The following MPDZ variants were observed in gnomAD, a reference collection of about 807,000 sequenced individuals.
MPDZ encodes multiple PDZ domain protein.
A neutral mutation model predicts 239.1 loss-of-function variants in MPDZ; 234 were observed. The observed-to-expected ratio is 0.98, with a 90% CI of 0.88 to 1.09. The LOEUF is 1.09. Among genes scored for constraint, MPDZ ranks in the 50% least tolerant of loss-of-function variants. The probability of loss-of-function intolerance (pLI) is 0.00; values close to 1 mark genes in which losing one functional copy is unlikely to be tolerated. For synonymous variants in MPDZ, 1,048 were observed against 881.3 expected (o/e 1.19, Z -3.35); for missense variants, 3,175 against 2,510.0 (o/e 1.26, Z -5.66).
chr9:13,197,323 G>C (rs540967109), intron 12 of MPDZ, among the ~76,000 whole-genome samples: 39 of 152,144 alleles, frequency 2.6e-4, no homozygotes, highest in African/African-American at 8.9e-4. Context: ...TTTTAAATTA[G>C]ATGGGGGGTC....
chr9:13,143,644 G>T (rs1563895619), intron 26 of MPDZ, 80 bp from the exon 27 acceptor site: 4 of 1,084,252 alleles, frequency 3.7e-6, no homozygotes, highest in Non-Finnish European at 1.4e-6. Flanking sequence ...AGTACATACC[G>T]ATTTAAAGAA....
intron 16 of MPDZ, among the ~76,000 whole-genome samples, chr9:13,189,605 TC>T (rs1954622624): frequency 6.6e-6 from 1 of 152,172 alleles, no homozygotes; most frequent in Non-Finnish European, 1.5e-5. Flanking sequence ...CTGCACTCTA[TC>T]AGACAGGCTT....
At chr9:13,183,287 A>G (rs1400310814) in intron 19 of MPDZ, 131 bp downstream of exon 19, 1 of 684,690 alleles carries the variant, frequency 1.5e-6, no homozygotes, top group African/African-American at 1.9e-5. Flanking sequence ...CTTTAATCCA[A>G]TAATGAATCC....
At chr9:13,179,307 A>G (rs901162309) in intron 19 of MPDZ, among the ~76,000 whole-genome samples, 1 of 152,280 alleles carries the variant, frequency 6.6e-6, no homozygotes, top group South Asian at 2.1e-4. Context: ...TAGCTTCCAT[A>G]TTGCTAAATT....
At chr9:13,161,049 G>A (rs1366116369) in intron 23 of MPDZ, among the ~76,000 whole-genome samples, 1 of 151,220 alleles carries the variant, frequency 6.6e-6, no homozygotes, top group Non-Finnish European at 1.5e-5. Context: ...ATCCCCAACA[G>A]ATAATGAGGG....
At chr9:13,118,668 T>A (rs1054184688) in intron 39 of MPDZ, among the ~76,000 whole-genome samples, 3 of 152,234 alleles carry the variant, frequency 2.0e-5, no homozygotes, top group African/African-American at 7.2e-5. Context: ...TTTACAGGAA[T>A]GCAAATCCCC....
chr9:13,142,372 G>T (rs1173954204), intron 27 of MPDZ, among the ~76,000 whole-genome samples: 1 of 152,018 alleles, frequency 6.6e-6, no homozygotes, highest in Non-Finnish European at 1.5e-5. Flanking sequence ...ATTTACTTGA[G>T]GGGCAATCAG....
intron 6 of MPDZ, 24 bp from the exon 7 acceptor site, chr9:13,221,524 A>G: frequency 6.3e-7 from 1 of 1,598,790 alleles, no homozygotes; most frequent in Non-Finnish European, 8.5e-7. Flanking sequence ...TCATATATGA[A>G]TTTGTAGAAA....
intron 32 of MPDZ, among the ~76,000 whole-genome samples, chr9:13,133,128 G>A (rs1946252580): frequency 6.6e-6 from 1 of 152,044 alleles, no homozygotes; most frequent in East Asian, 1.9e-4. Flanking sequence ...GGAAATGACT[G>A]CATCATTAAA....
chr9:13,111,981 T>G (rs1277812232), intron 43 of MPDZ, 43 bp downstream of exon 43: 3 of 1,605,098 alleles, frequency 1.9e-6, no homozygotes, highest in South Asian at 2.2e-5. Context: ...AAAACACTTC[T>G]GCACATTTTG....
At chr9:13,203,270 G>C (rs1392916470) in intron 12 of MPDZ, among the ~76,000 whole-genome samples, 1 of 152,152 alleles carries the variant, frequency 6.6e-6, no homozygotes, top group African/African-American at 2.4e-5. Flanking sequence ...AGAGAAACAG[G>C]AGGGTCAGTT....
intron 3 of MPDZ, among the ~76,000 whole-genome samples, chr9:13,230,515 T>C (rs545466258): frequency 6.6e-6 from 1 of 152,292 alleles, no homozygotes; most frequent in East Asian, 1.9e-4. Context: ...GACAAGCCAA[T>C]TTCTAAAGGT....
chr9:13,274,507 G>C (rs1185585880), intron 1 of MPDZ: 3 of 151,684 alleles, frequency 2.0e-5, no homozygotes, highest in Non-Finnish European at 4.4e-5. Flanking sequence ...AAAAAAGTAA[G>C]AGTTTGTCTC....
At chr9:13,108,031 A>C (rs1941776075) in intron 46 of MPDZ, among the ~76,000 whole-genome samples, 1 of 152,132 alleles carries the variant, frequency 6.6e-6, no homozygotes, top group Non-Finnish European at 1.5e-5. Flanking sequence ...AGCTTGTTGT[A>C]GGTACAACAC....
intron 1 of MPDZ, among the ~76,000 whole-genome samples, chr9:13,253,207 C>CA (rs1271435211): frequency 8.9e-6 from 1 of 112,048 alleles, no homozygotes; most frequent in Non-Finnish European, 1.8e-5. Context: ...TTTCTTCCCC[C>CA]AAAAAATACA....
intron 10 of MPDZ, among the ~76,000 whole-genome samples, chr9:13,210,526 C>T (rs1033114710): frequency 2.0e-5 from 3 of 151,798 alleles, no homozygotes; most frequent in Non-Finnish European, 4.4e-5. Context: ...GGCAATGCAG[C>T]AGATTGTGTC....
intron 28 of MPDZ, among the ~76,000 whole-genome samples, chr9:13,139,472 G>A (rs1026148095): frequency 6.6e-5 from 10 of 152,166 alleles, no homozygotes; most frequent in Non-Finnish European, 1.0e-4. Flanking sequence ...AACCTGAGGG[G>A]AGAACTCCAT....
chr9:13,186,494 G>A, intron 17 of MPDZ, 108 bp from the exon 18 acceptor site: 1 of 724,814 alleles, frequency 1.4e-6, no homozygotes. Context: ...AGAAGAGAAA[G>A]AAATTGGAAA....
chr9:13,277,206 C>G lies in MPDZ; in HGVS notation c.-58+2194G>C, dbSNP rs200847976. The stretch of plus-strand genomic sequence containing the variant: ...AATTGACTAAAGATCCCTCCCTTTC[C>G]AAGCCACAACCTTCAGGCCTAGTCA... On this transcript the variant is annotated intron_variant, in intron 1 of 46. Coordinates refer to ENST00000319217, the MANE Select transcript of MPDZ (RefSeq NM_001378778.1). 5.9e-5 allele frequency among the ~76,000 whole-genome samples: 9 copies of G among 152,076 alleles called. No homozygotes were observed. In the South Asian group the frequency reaches 1.5e-3, roughly 25 times the overall value.
Sources: gnomAD v4.1 joint callset for allele counts (sites outside exome capture counted in the v4.1 genomes callset) on GRCh38, gnomAD v4.1.1 for gene constraint, MANE v1.5 for transcripts, NCBI Gene and HGNC (gene_info 2026-07-23, HGNC 2026-07-21) for gene names.